The following ANXA4 variants were observed in gnomAD, a reference collection of about 807,000 sequenced individuals.
ANXA4 encodes 35-beta calcimedin.
A neutral mutation model predicts 49.8 loss-of-function variants in ANXA4; 39 were observed. That is an observed-to-expected ratio of 0.78 (90% confidence interval 0.61 to 1.02). ANXA4 has a LOEUF of 1.02. Among genes scored for constraint, ANXA4 ranks in the 50% least tolerant of loss-of-function variants. The pLI is 0.00. For missense variants in ANXA4, 360 were observed against 410.1 expected (o/e 0.88, Z 1.05); for synonymous variants, 134 against 152.5 (o/e 0.88, Z 0.89).
At chr2:69,749,288 T>G (rs906801939) in intron 1 of ANXA4, among the ~76,000 whole-genome samples, 7 of 152,132 alleles carry the variant, frequency 4.6e-5, no homozygotes, top group Admixed American at 4.6e-4. Flanking sequence ...GTCCAGACTT[T>G]AGTCAGATAA....
chr2:69,681,532 T>C (rs972134389), intron 2 of ANXA4, among the ~76,000 whole-genome samples: 4 of 152,042 alleles, frequency 2.6e-5, no homozygotes, highest in African/African-American at 9.7e-5. Flanking sequence ...ATCCAGCTAA[T>C]TTTGGTATTT....
chr2:69,798,582 A>T (rs1024219066), intron 3 of ANXA4, among the ~76,000 whole-genome samples: 2 of 152,200 alleles, frequency 1.3e-5, no homozygotes, highest in African/African-American at 4.8e-5. Flanking sequence ...AAAAGAAACT[A>T]GTTTGGACAC....
intron 2 of ANXA4, among the ~76,000 whole-genome samples, chr2:69,785,551 TTGATGA>T (rs10689485): frequency 4.6e-4 from 69 of 150,870 alleles, no homozygotes; most frequent in Middle Eastern, 6.8e-3. Flanking sequence ...GAAGTTCTCT[TTGATGA>T]TGATGATGAT....
rs73935919 is a variant in ANXA4 at position 69,799,555 on chromosome 2, G to A, written c.98-4978G>A. ...TGTTAAAAGGAAAGTTTTCTGCTGG[G>A]GACTCACTTTACCCTAAATGTCTAC... is the stretch of plus-strand genomic sequence containing the variant. On this transcript the variant is annotated intron_variant, in intron 3 of 12. Transcript: ENST00000394295. 3.7e-3 allele frequency among the ~76,000 whole-genome samples: 567 copies of A among 152,190 alleles called. 5 individuals carry two copies. The highest frequency in any genetic ancestry group is 0.013 in the African/African-American group (552 of 41,516).
chr2:69,710,357 G>C (rs964346944), intron 2 of ANXA4, among the ~76,000 whole-genome samples: 29 of 152,138 alleles, frequency 1.9e-4, no homozygotes, highest in Non-Finnish European at 1.5e-5. Flanking sequence ...TATATTAAAA[G>C]TAGATTTCCA....
chr2:69,717,330 C>T (rs1299150929), intron 2 of ANXA4, among the ~76,000 whole-genome samples: 1 of 152,148 alleles, frequency 6.6e-6, no homozygotes, highest in Non-Finnish European at 1.5e-5. Context: ...TGGAAAACTC[C>T]CACCATGGCC....
chr2:69,662,992 C>CTTTTTTTTTT (rs746269236), intron 2 of ANXA4, among the ~76,000 whole-genome samples: 2 of 123,198 alleles, frequency 1.6e-5, no homozygotes, highest in South Asian at 2.7e-4. Context: ...TTTTCTTTTT[C>CTTTTTTTTTT]TTTTTTTTTT....
chr2:69,823,509 T>C (rs62134006), intron 12 of ANXA4, among the ~76,000 whole-genome samples: 34,504 of 151,850 alleles, frequency 0.23, 4,282 homozygotes, highest in East Asian at 0.4. Context: ...GTAAAAAGCT[T>C]AAAGAAAAAC....
At chr2:69,681,381 T>C (rs1013125469) in intron 2 of ANXA4, among the ~76,000 whole-genome samples, 7 of 151,872 alleles carry the variant, frequency 4.6e-5, no homozygotes, top group Non-Finnish European at 1.0e-4. Flanking sequence ...TTTTTTTTTT[T>C]TGAAACAAGG....
intron 1 of ANXA4, among the ~76,000 whole-genome samples, chr2:69,776,273 G>A (rs1671959773): frequency 6.6e-6 from 1 of 151,954 alleles, no homozygotes; most frequent in Non-Finnish European, 1.5e-5. Context: ...ACCATGCCTG[G>A]CCCAGACCAT....
chr2:69,746,074 C>T (rs1425033212), intron 1 of ANXA4, among the ~76,000 whole-genome samples: 5 of 152,028 alleles, frequency 3.3e-5, no homozygotes, highest in East Asian at 1.9e-4. Context: ...TGCAGTCGTG[C>T]GATCTTGGCT....
At chr2:69,682,662 TAAAC>T (rs563787262) in intron 2 of ANXA4, among the ~76,000 whole-genome samples, 43 of 152,238 alleles carry the variant, frequency 2.8e-4, no homozygotes, top group Non-Finnish European at 5.3e-4. Context: ...AAATATGAAA[TAAAC>T]AAAATAAAAT....
At chr2:69,758,001 C>T (rs943018230) in intron 1 of ANXA4, among the ~76,000 whole-genome samples, 2 of 151,806 alleles carry the variant, frequency 1.3e-5, no homozygotes, top group African/African-American at 4.8e-5. Flanking sequence ...TTTATACTCC[C>T]CACCTGCAGT....
At chr2:69,814,505 TG>T (rs1329243581) in intron 8 of ANXA4, among the ~76,000 whole-genome samples, 1 of 151,728 alleles carries the variant, frequency 6.6e-6, no homozygotes, top group African/African-American at 2.4e-5. Context: ...CCATCATGCC[TG>T]GCTAAGTTTT....
intron 8 of ANXA4, 111 bp downstream of exon 8, chr2:69,812,820 A>C (rs1673767048): frequency 3.2e-6 from 3 of 925,246 alleles, no homozygotes; most frequent in African/African-American, 3.4e-5. Flanking sequence ...CCAGGCTTGG[A>C]TATGTTCTTT....
At chr2:69,648,506 A>G (rs1676092972) in intron 1 of ANXA4, among the ~76,000 whole-genome samples, 1 of 152,202 alleles carries the variant, frequency 6.6e-6, no homozygotes, top group Non-Finnish European at 1.5e-5. Context: ...GCGAACTTGT[A>G]AGAACCATGT....
intron 1 of ANXA4, among the ~76,000 whole-genome samples, chr2:69,744,871 C>A (rs1232139840): frequency 6.6e-6 from 1 of 152,182 alleles, no homozygotes; most frequent in African/African-American, 2.4e-5. Context: ...TTAACTAAAT[C>A]TTGAACAAGT....
At chr2:69,822,218 G>A (rs762795760) in intron 12 of ANXA4, among the ~76,000 whole-genome samples, 1 of 151,940 alleles carries the variant, frequency 6.6e-6, no homozygotes, top group Non-Finnish European at 1.5e-5. Flanking sequence ...AAAATTAGCC[G>A]GGTGTGGTGG....
In ANXA4 at chr2:69,729,077, G is replaced by A. The variant is rs144692657; in HGVS notation, n.864+8206G>A. On this transcript the variant is annotated intron_variant and non_coding_transcript_variant, in intron 3 of 3. Coordinates refer to the ANXA4 transcript ENST00000418066. Reference sequence around the variant, plus strand: ...CGCCCAGGCTGGAGTGCAGTGGCACGATCTCGGCTCACTGCAACCTCCACC... The same window carrying A: ...CGCCCAGGCTGGAGTGCAGTGGCACAATCTCGGCTCACTGCAACCTCCACC... Among the ~76,000 whole-genome samples, 957 of 152,224 alleles carry A rather than the reference G, an allele frequency of 6.3e-3. 13 individuals are homozygous for A. Among genetic ancestry groups the A allele is most frequent in the African/African-American group, 0.022 (903 of 41,546 alleles).
Sources: gnomAD v4.1 joint callset for allele counts (sites outside exome capture counted in the v4.1 genomes callset) on GRCh38, gnomAD v4.1.1 for gene constraint, MANE v1.5 for transcripts, NCBI Gene and HGNC (gene_info 2026-07-23, HGNC 2026-07-21) for gene names.